The following TRDN variants were observed in gnomAD, a reference collection of about 807,000 sequenced individuals.
The protein encoded by TRDN is triadin in skeletal muscle.
TRDN carries 161 observed loss-of-function variants against 149.7 expected under a neutral mutation model. The ratio of observed to expected loss-of-function variants is 1.08; its 90% CI spans 0.95 to 1.23. TRDN has a LOEUF of 1.23. Ranked by LOEUF, TRDN falls within the 50% of genes most tolerant of loss-of-function variation. TRDN has a pLI of 0.00. For synonymous variants in TRDN, 294 were observed against 250.5 expected (o/e 1.17, Z -1.64); for missense variants, 896 against 823.5 (o/e 1.09, Z -1.08).
intron 1 of TRDN, among the ~76,000 whole-genome samples, chr6:123,635,020 G>A (rs1786224787): frequency 6.6e-6 from 1 of 151,872 alleles, no homozygotes; most frequent in Admixed American, 6.6e-5. Context: ...TCAAATGCAA[G>A]TTCTACAAAA....
At chr6:123,431,415 T>A (rs1774338270) in intron 12 of TRDN, among the ~76,000 whole-genome samples, 1 of 152,220 alleles carries the variant, frequency 6.6e-6, no homozygotes, top group Non-Finnish European at 1.5e-5. Context: ...AACTTGATAG[T>A]AACTCCTGGA....
intron 1 of TRDN, 31 bp from the exon 2 acceptor site, chr6:123,571,163 T>C: frequency 6.2e-7 from 1 of 1,606,558 alleles, no homozygotes; most frequent in African/African-American, 1.3e-5. Context: ...GAAAATATAA[T>C]TTAGAGATTC....
chr6:123,512,446 T>G (rs552283988), intron 6 of TRDN, 84 bp from the exon 7 acceptor site: 4 of 732,446 alleles, frequency 5.5e-6, no homozygotes, highest in Non-Finnish European at 9.1e-6. Context: ...TCATAAGTGC[T>G]AAAACCTAAT....
intron 7 of TRDN, among the ~76,000 whole-genome samples, chr6:123,507,998 A>AAT (rs1257042728): frequency 1.3e-5 from 2 of 151,892 alleles, no homozygotes; most frequent in Non-Finnish European, 2.9e-5. Flanking sequence ...GCGTTAAAAA[A>AAT]AAAGAATCGC....
intron 8 of TRDN, among the ~76,000 whole-genome samples, chr6:123,500,990 T>G (rs1232903410): frequency 1.3e-5 from 2 of 152,226 alleles, no homozygotes; most frequent in East Asian, 3.9e-4. Context: ...GAGCAATGTC[T>G]GACTATGCCA....
intron 27 of TRDN, 57 bp downstream of exon 27, chr6:123,274,584 T>C: frequency 6.7e-7 from 1 of 1,492,546 alleles, no homozygotes; most frequent in Non-Finnish European, 9.2e-7. Context: ...CTTTTAGTAC[T>C]TAATAAAATA....
At chr6:123,376,127 T>G (rs1376131693) in intron 18 of TRDN, among the ~76,000 whole-genome samples, 1 of 152,178 alleles carries the variant, frequency 6.6e-6, no homozygotes, top group Non-Finnish European at 1.5e-5. Context: ...TTTGTCAGGT[T>G]CAATATTAGA....
intron 10 of TRDN, among the ~76,000 whole-genome samples, chr6:123,446,975 A>G (rs985517670): frequency 6.6e-6 from 1 of 152,142 alleles, no homozygotes; most frequent in African/African-American, 2.4e-5. Flanking sequence ...ACGCAACTTT[A>G]TAGCAACATG....
chr6:123,271,658 G>A (rs1202869598), intron 29 of TRDN, among the ~76,000 whole-genome samples: 1 of 151,924 alleles, frequency 6.6e-6, no homozygotes, highest in African/African-American at 2.4e-5. Context: ...TGCCTTTGTG[G>A]GATGTCCTTT....
chr6:123,349,534 T>C (rs1390184220), intron 21 of TRDN: 5 of 892,744 alleles, frequency 5.6e-6, no homozygotes, highest in Admixed American at 6.2e-5. Flanking sequence ...AGTCAACATA[T>C]GCAAATAAGT....
At chr6:123,635,492 A>C (rs1010638663) in intron 1 of TRDN, among the ~76,000 whole-genome samples, 3 of 151,924 alleles carry the variant, frequency 2.0e-5, no homozygotes, top group African/African-American at 7.2e-5. Context: ...GTTTTAAATA[A>C]GTAAACACAC....
At chr6:123,316,108 T>C (rs1779011739) in intron 24 of TRDN, among the ~76,000 whole-genome samples, 1 of 151,896 alleles carries the variant, frequency 6.6e-6, no homozygotes, top group South Asian at 2.1e-4. Context: ...GCATTTGACA[T>C]GCTCTGTATG....
rs1774978546 is a variant in TRDN, at chr6:123,216,580, A to AGT, written c.*2019_*2020dup. On this transcript the variant is annotated 3_prime_UTR_variant, in exon 41 of 41. Coordinates refer to ENST00000334268, the MANE Select transcript of TRDN (RefSeq NM_006073.4). ...CAGTAAAATAGTCAGAGGAAAAACTAGTGCCATACCCAAAAGTATTACTTC... is the reference window on the plus strand; with the variant it reads ...CAGTAAAATAGTCAGAGGAAAAACTAGTGTGCCATACCCAAAAGTATTACTTC... 6.6e-6 allele frequency: 1 copy of AGT among 151,900 alleles called. No homozygotes were observed. The highest frequency in any genetic ancestry group is 2.4e-5 in the African/African-American group (1 of 41,422). 9.4% of individuals were successfully genotyped at this position (151,900 alleles called of 1,614,324 possible).
intron 9 of TRDN, among the ~76,000 whole-genome samples, chr6:123,473,487 T>G (rs954066338): frequency 6.6e-6 from 1 of 151,914 alleles, no homozygotes; most frequent in Non-Finnish European, 1.5e-5. Flanking sequence ...CTGAAAGTGA[T>G]GGGGAGAATG....
chr6:123,602,814 A>G (rs1314135036), intron 1 of TRDN, among the ~76,000 whole-genome samples: 1 of 152,094 alleles, frequency 6.6e-6, no homozygotes, highest in African/African-American at 2.4e-5. Flanking sequence ...TCAGTGGACT[A>G]GCACTCACAG....
intron 12 of TRDN, among the ~76,000 whole-genome samples, chr6:123,433,321 T>C (rs1390516860): frequency 6.6e-6 from 1 of 151,764 alleles, no homozygotes; most frequent in African/African-American, 2.4e-5. Flanking sequence ...CATTATATTC[T>C]ATCATTGCCT....
At chr6:123,488,739 G>C (rs1211781082) in intron 9 of TRDN, 3 of 141,044 alleles carry the variant, frequency 2.1e-5, no homozygotes, top group Admixed American at 7.2e-5. Context: ...GATTTCCTGA[G>C]TACTAACCAA....
intron 4 of TRDN, among the ~76,000 whole-genome samples, chr6:123,546,779 G>A (rs952573504): frequency 4.6e-5 from 7 of 151,836 alleles, no homozygotes; most frequent in Admixed American, 2.0e-4. Flanking sequence ...ATCTATTCCT[G>A]CAAGTAATTC....
intron 12 of TRDN, chr6:123,421,489 A>T (rs1253255752): frequency 6.6e-6 from 1 of 151,942 alleles, no homozygotes; most frequent in Non-Finnish European, 1.5e-5. Context: ...CTTTCTTCCC[A>T]ATTTCATTTC....
Sources: allele counts gnomAD v4.1 joint callset (sites outside exome capture counted in the v4.1 genomes callset), GRCh38; gene constraint gnomAD v4.1.1; transcripts MANE v1.5; gene names NCBI Gene and HGNC (gene_info 2026-07-23, HGNC 2026-07-21).